The following RAB6A variants were observed in gnomAD, a reference collection of about 807,000 sequenced individuals.
RAB6A encodes ras-related protein Rab-6A.
A neutral mutation model predicts 32.3 loss-of-function variants in RAB6A; 8 were observed. The observed-to-expected ratio is 0.25, with a 90% CI of 0.15 to 0.45. The LOEUF (loss-of-function observed/expected upper bound fraction) is 0.45. Among genes scored for constraint, RAB6A ranks in the 20% least tolerant of loss-of-function variants. RAB6A has a pLI of 1.00. For missense variants in RAB6A, 104 were observed against 249.4 expected (o/e 0.42, Z 3.93); for synonymous variants, 73 against 82.1 (o/e 0.89, Z 0.60).
chr11:73,685,270 C>G (rs1470985924), intron 6 of RAB6A, among the ~76,000 whole-genome samples: 1 of 150,056 alleles, frequency 6.7e-6, no homozygotes, highest in African/African-American at 2.5e-5. Context: ...TAGTACTGAC[C>G]TGCTATATAG....
At chr11:73,727,872 GT>G (rs904225125) in intron 2 of RAB6A, among the ~76,000 whole-genome samples, 18 of 152,202 alleles carry the variant, frequency 1.2e-4, no homozygotes, top group African/African-American at 3.4e-4. Context: ...TTGAAATCAA[GT>G]TTTTTTCTTT....
intron 1 of RAB6A, among the ~76,000 whole-genome samples, chr11:73,741,434 G>A (rs1465404109): frequency 1.3e-5 from 2 of 151,924 alleles, no homozygotes; most frequent in Admixed American, 6.6e-5. Flanking sequence ...CACCGTGCCT[G>A]GCCCAAAATA....
At chr11:73,759,512 A>G (rs11235888) in intron 1 of RAB6A, among the ~76,000 whole-genome samples, 15,288 of 152,262 alleles carry the variant, frequency 0.1, 883 homozygotes, top group South Asian at 0.29. Flanking sequence ...TGGTATTTAA[A>G]TCTAATTTAG....
intron 2 of RAB6A, among the ~76,000 whole-genome samples, chr11:73,721,802 G>A (rs1020834372): frequency 2.6e-5 from 4 of 152,044 alleles, no homozygotes; most frequent in African/African-American, 9.7e-5. Flanking sequence ...AACAGAAACT[G>A]AGTCTGTGCA....
chr11:73,754,990 T>A (rs1353134126), intron 1 of RAB6A, among the ~76,000 whole-genome samples: 2 of 152,022 alleles, frequency 1.3e-5, no homozygotes, highest in African/African-American at 4.8e-5. Flanking sequence ...TGGCGTGATC[T>A]TGGCTCACTG....
chr11:73,707,120 A>G (rs576444695), intron 6 of RAB6A, among the ~76,000 whole-genome samples: 7 of 134,888 alleles, frequency 5.2e-5, no homozygotes, highest in Middle Eastern at 3.6e-3. Context: ...CTCCATCTCA[A>G]AAAAGAAAAA....
At chr11:73,711,083 A>G (rs1205529248) in intron 5 of RAB6A, among the ~76,000 whole-genome samples, 1 of 152,134 alleles carries the variant, frequency 6.6e-6, no homozygotes, top group African/African-American at 2.4e-5. Flanking sequence ...GCATGCATTT[A>G]CCACCTGGTA....
At chr11:73,705,407 G>A (rs985709978) in intron 6 of RAB6A, among the ~76,000 whole-genome samples, 1 of 152,110 alleles carries the variant, frequency 6.6e-6, no homozygotes, top group African/African-American at 2.4e-5. Context: ...AATTAGCCGG[G>A]AATGGTGCTG....
At chr11:73,748,912 G>A (rs1946633592) in intron 1 of RAB6A, among the ~76,000 whole-genome samples, 1 of 152,016 alleles carries the variant, frequency 6.6e-6, no homozygotes, top group African/African-American at 2.4e-5. Context: ...ATCAATTGAG[G>A]TAAGGAGTTC....
At chr11:73,703,960 G>A (rs1191366976) in intron 6 of RAB6A, among the ~76,000 whole-genome samples, 1 of 150,418 alleles carries the variant, frequency 6.6e-6, no homozygotes, top group African/African-American at 2.5e-5. Flanking sequence ...AACCCGGGAG[G>A]CAAGGTTGCA....
intron 1 of RAB6A, among the ~76,000 whole-genome samples, chr11:73,754,835 G>A (rs918514415): frequency 5.9e-5 from 9 of 151,774 alleles, no homozygotes; most frequent in South Asian, 4.2e-4. Flanking sequence ...CATGAGAATC[G>A]CGAACCCGGG....
At position 73,722,327 on chromosome 11, in the gene RAB6A, ATATATATATATATATAT is replaced by A. The variant is rs1334705476; in HGVS notation, c.130-1445_130-1429del. On this transcript the variant is annotated intron_variant, in intron 2 of 7. Transcript: ENST00000336083. ...TGTGTATATATATATATATATATAT[ATATATATATATATATAT>A]TTTTTTTTTTTTTTTTTTTTTTTGA... The A allele has an allele frequency of 4.2e-4, 5 of 11,966 alleles. 1 individual carries two copies. In the East Asian group the frequency reaches 7.2e-3, roughly 17 times the overall value. 0.7% of individuals were successfully genotyped at this position (11,966 alleles called of 1,614,324 possible).
chr11:73,692,672 C>G (rs1049844404), intron 6 of RAB6A, among the ~76,000 whole-genome samples: 14 of 151,022 alleles, frequency 9.3e-5, no homozygotes, highest in Non-Finnish European at 1.8e-4. Flanking sequence ...AAATGCCTGC[C>G]GGGCGCGGTG....
Position 73,696,693 on chromosome 11 carries a change from C to T in RAB6A, c.495+10727G>A, listed in dbSNP as rs117466088. ...TGATCATGGGTCACTGCAGCCTCAT[C>T]CACCCAGGCTCAACCAATCCTCCCA... is the stretch of plus-strand genomic sequence containing the variant. On this transcript the variant is annotated intron_variant, in intron 6 of 7. Transcript: ENST00000336083. Among the ~76,000 whole-genome samples the T allele has an allele frequency of 8.5e-4, 129 of 152,082 alleles. 2 individuals are homozygous for T. In the East Asian group the frequency reaches 0.024, roughly 28 times the overall value.
Position 73,676,826 on chromosome 11 carries a change from T to C in RAB6A, c.*1072A>G, listed in dbSNP as rs1945275929. On this transcript the variant is annotated 3_prime_UTR_variant, in exon 8 of 8. Transcript: ENST00000336083. ...TGAGGGTTCTTTTGTTGGTAAGCTTTAGACATCATTATTTCTACTAATTCA... is the reference window on the plus strand; with the variant it reads ...TGAGGGTTCTTTTGTTGGTAAGCTTCAGACATCATTATTTCTACTAATTCA... 1 of 167,108 alleles carries C rather than the reference T, an allele frequency of 6.0e-6. No homozygotes were observed. The allele number at this position is 167,108 out of a possible 1,614,324, so 10.4% of individuals were successfully genotyped here. A position where few individuals can be genotyped will look rare whatever the true frequency, so the allele number is the denominator to read the frequency against.
intron 6 of RAB6A, among the ~76,000 whole-genome samples, chr11:73,699,411 G>T (rs1020447860): frequency 8.6e-5 from 13 of 151,364 alleles, no homozygotes; most frequent in African/African-American, 3.2e-4. Context: ...TGGGACTACA[G>T]ACACTCAACC....
chr11:73,748,976 T>A (rs181261258), intron 1 of RAB6A, among the ~76,000 whole-genome samples: 7 of 152,016 alleles, frequency 4.6e-5, no homozygotes, highest in African/African-American at 1.7e-4. Context: ...AATAAAAAAA[T>A]TAACCAGGCG....
chr11:73,678,032 G>C, intron 7 of RAB6A, 70 bp from the exon 8 acceptor site: 1 of 1,489,464 alleles, frequency 6.7e-7, no homozygotes, highest in Admixed American at 1.7e-5. Context: ...TAGCATTTCT[G>C]GGATGGCCCT....
intron 6 of RAB6A, among the ~76,000 whole-genome samples, chr11:73,696,696 C>T (rs1380087268): frequency 6.6e-6 from 1 of 152,058 alleles, no homozygotes; most frequent in Admixed American, 6.6e-5. Flanking sequence ...GCCTCATCCA[C>T]CCAGGCTCAA....
Sources: gnomAD v4.1 joint callset for allele counts (sites outside exome capture counted in the v4.1 genomes callset) on GRCh38, gnomAD v4.1.1 for gene constraint, MANE v1.5 for transcripts, NCBI Gene and HGNC (gene_info 2026-07-23, HGNC 2026-07-21) for gene names.